The following CNPY3 variants were observed in gnomAD, a reference collection of about 807,000 sequenced individuals.
CNPY3 encodes the protein protein canopy homolog 3.
CNPY3 carries 20 observed loss-of-function variants against 32.0 expected under a neutral mutation model. That is an observed-to-expected ratio of 0.63 (90% confidence interval 0.44 to 0.91). CNPY3 has a LOEUF of 0.91. Among genes scored for constraint, CNPY3 ranks in the 40% least tolerant of loss-of-function variants. The pLI, the probability that CNPY3 is intolerant of heterozygous loss-of-function variation, is 0.00. For synonymous variants in CNPY3, 138 were observed against 142.9 expected (o/e 0.97, Z 0.24); for missense variants, 299 against 340.8 (o/e 0.88, Z 0.97).
In CNPY3 at chr6:42,938,167, A is replaced by G; in HGVS notation, c.573A>G (p.Glu191=). 6.2e-7 allele frequency: 1 copy of G among 1,614,080 alleles called. No homozygotes were observed. The highest frequency in any genetic ancestry group is 1.1e-5 in the South Asian group (1 of 91,074). ...YRNHQEEDLT[E]FLCANHVLKG... ...ACCACCAGGAGGAAGACCTGACTGA[A>G]TTCCTCTGCGCCAACCACGTGCTGA... The change falls in exon 5 of 6, where the codon GAA becomes GAG. Residue 191 remains glutamate (E), a synonymous_variant. Coordinates refer to ENST00000372836, the MANE Select transcript of CNPY3 (RefSeq NM_006586.5).
chr6:42,931,613 A>G (rs1381959324), intron 1 of CNPY3, among the ~76,000 whole-genome samples: 1 of 151,236 alleles, frequency 6.6e-6, no homozygotes, highest in Non-Finnish European at 1.5e-5. Context: ...CACCCACCTT[A>G]GCCTCCCAAA....
At position 42,939,196 on chromosome 6, in the gene CNPY3, C is replaced by T; in HGVS notation, c.*405C>T. 9.9e-7 allele frequency: 1 copy of T among 1,007,502 alleles called. No homozygotes were observed. Among genetic ancestry groups the T allele is most frequent in the Admixed American group, 5.7e-5 (1 of 17,480 alleles). The allele number at this position is 1,007,502 out of a possible 1,614,324, so 62.4% of individuals were successfully genotyped here. ...CTGTAGCTCCTCTCTGCTTACCCCT[C>T]CTGTGGACACCTTGCACTCTGCCTG... is the stretch of plus-strand genomic sequence containing the variant. On this transcript the variant is annotated 3_prime_UTR_variant, in exon 6 of 6. Transcript: ENST00000372836.
At chr6:42,929,816 G>C in intron 1 of CNPY3, 95 bp downstream of exon 1, 1 of 1,376,132 alleles carries the variant, frequency 7.3e-7, no homozygotes. Flanking sequence ...AAGGTTCCGA[G>C]CTCTGCAGGG....
Position 42,929,595 on chromosome 6 carries a change from TC to T in CNPY3, c.28del (p.Arg10AlafsTer50). 6.4e-7 allele frequency: 1 copy of T among 1,573,464 alleles called. No homozygotes were observed. Among genetic ancestry groups the T allele is most frequent in the Non-Finnish European group, 8.6e-7 (1 of 1,160,220 alleles). ...CATGGATTCAATGCCTGAGCCCGCG[TC>T]CCGCTGTCTTCTGCTTCTTCCCTTG... is the stretch of plus-strand genomic sequence containing the variant. MDSMPEPA[S>X]RCLLLLPLLL... On this transcript the variant is annotated frameshift_variant, in exon 1 of 6. Transcript: ENST00000372836. LOFTEE classifies it high-confidence loss of function.
Position 42,929,638 on chromosome 6 carries a change from T to G in CNPY3, c.68T>G (p.Leu23Arg). Residue 23 changes from leucine to arginine, a missense_variant, in exon 1 of 6, where the codon CTG becomes CGG. Coordinates refer to ENST00000372836, the MANE Select transcript of CNPY3 (RefSeq NM_006586.5). ...LLLPLLLLLL[L>R]LLPAPELGPS... ...CTTCCCTTGCTGCTGCTGCTGCTGC[T>G]GCTGCTGCCGGCCCCGGAGCTGGGC... The G allele has an allele frequency of 6.4e-7, 1 of 1,555,946 alleles. No individual in the cohort carries two copies. Among genetic ancestry groups the G allele is most frequent in the Non-Finnish European group, 8.7e-7 (1 of 1,150,890 alleles).
At chr6:42,937,691 C>T in intron 3 of CNPY3, 26 bp from the exon 4 acceptor site, 2 of 1,613,064 alleles carry the variant, frequency 1.2e-6, no homozygotes, top group Non-Finnish European at 1.7e-6. Context: ...GGAGCTCCGC[C>T]TGCCATATCT....
intron 3 of CNPY3, among the ~76,000 whole-genome samples, chr6:42,936,787 T>C (rs760033673): frequency 6.6e-6 from 1 of 152,104 alleles, no homozygotes; most frequent in Non-Finnish European, 1.5e-5. Context: ...CAGCCCACCT[T>C]GGCCTCTCAA....
chr6:42,937,150 A>G (rs1186714213), intron 3 of CNPY3, among the ~76,000 whole-genome samples: 4 of 152,142 alleles, frequency 2.6e-5, no homozygotes, highest in African/African-American at 9.7e-5. Context: ...GAGGGGAAAG[A>G]GCTAAGACAA....
intron 2 of CNPY3, 130 bp downstream of exon 2, chr6:42,934,728 C>A: frequency 8.0e-7 from 1 of 1,253,118 alleles, no homozygotes; most frequent in South Asian, 1.4e-5. Context: ...TGAGTTTGCC[C>A]ACTGATTCTG....
chr6:42,935,150 G>A (rs1228097613), intron 2 of CNPY3, among the ~76,000 whole-genome samples: 1 of 152,122 alleles, frequency 6.6e-6, no homozygotes, highest in East Asian at 1.9e-4. Context: ...TTACAGGTGT[G>A]AGCCACCACA....
intron 1 of CNPY3, among the ~76,000 whole-genome samples, chr6:42,933,132 C>T (rs2114162520): frequency 3.3e-5 from 5 of 152,264 alleles, no homozygotes; most frequent in Admixed American, 3.3e-4. Flanking sequence ...AAATCTAGAG[C>T]AATTGGCATT....
intron 3 of CNPY3, among the ~76,000 whole-genome samples, 180 bp downstream of exon 3, chr6:42,935,850 A>G (rs1329569166): frequency 6.6e-6 from 1 of 152,118 alleles, no homozygotes; most frequent in Admixed American, 6.6e-5. Flanking sequence ...TTTCAGGCAC[A>G]TGCATGAGGG....
chr6:42,937,703 G>T lies in CNPY3; in HGVS notation c.373-14G>T. 2 of 1,613,838 alleles carry T rather than the reference G, an allele frequency of 1.2e-6. No homozygotes were observed. The highest frequency in any genetic ancestry group is 1.7e-6 in the Non-Finnish European group (2 of 1,179,900). On this transcript the variant is annotated splice_polypyrimidine_tract_variant and intron_variant, in intron 3 of 5. Transcript: ENST00000372836. ...AAGGGAGCTCCGCCTGCCATATCTG[G>T]TCGCTTCTTCCAGGGCATGTCAGAG...
chr6:42,932,457 C>T (rs900739573), intron 1 of CNPY3, among the ~76,000 whole-genome samples: 4 of 152,008 alleles, frequency 2.6e-5, no homozygotes, highest in Admixed American at 6.5e-5. Context: ...GTGTCTGTGC[C>T]GTGAATCTCC....
At position 42,939,113 on chromosome 6, in the gene CNPY3, G is replaced by A. The variant is rs14499; in HGVS notation, c.*322G>A. ...GGGCACCAGGACTGGAGCCCCCTCC[G>A]GAGACCAAACTCACCATCCCTCAGT... On this transcript the variant is annotated 3_prime_UTR_variant, in exon 6 of 6. Transcript: ENST00000372836. 8 of 1,130,580 alleles carry A rather than the reference G, an allele frequency of 7.1e-6. No homozygotes were observed. Among genetic ancestry groups the A allele is most frequent in the African/African-American group, 4.8e-5 (3 of 62,040 alleles). 70.0% of individuals were successfully genotyped at this position (1,130,580 alleles called of 1,614,324 possible).
At chr6:42,930,873 C>T (rs562171223) in intron 1 of CNPY3, among the ~76,000 whole-genome samples, 1 of 152,034 alleles carries the variant, frequency 6.6e-6, no homozygotes, top group South Asian at 2.1e-4. Context: ...TGCCTTCCCC[C>T]GTACATTCTT....
At chr6:42,931,303 C>T (rs1173731737) in intron 1 of CNPY3, among the ~76,000 whole-genome samples, 6 of 151,316 alleles carry the variant, frequency 4.0e-5, no homozygotes, top group South Asian at 2.1e-4. Context: ...CTTGGCTCAC[C>T]GCAACCTCCA....
chr6:42,929,739 G>T lies in CNPY3; in HGVS notation c.151+18G>T, dbSNP rs2096079779. 2 of 1,539,180 alleles carry T rather than the reference G, an allele frequency of 1.3e-6. No individual in the cohort carries two copies. Among genetic ancestry groups the T allele is most frequent in the African/African-American group, 2.7e-5 (2 of 72,804 alleles). ...ATGCGAAGGTGAGGAGGCGGGGCCC[G>T]TGGGGCGTATCCTGCCGGAGGGGCT... On this transcript the variant is annotated intron_variant, in intron 1 of 5. Coordinates refer to ENST00000372836, the MANE Select transcript of CNPY3 (RefSeq NM_006586.5).
At chr6:42,928,843 C>G (rs767845408), upstream of CNPY3, among the ~76,000 whole-genome samples, 5 of 152,182 alleles carry the variant, frequency 3.3e-5, no homozygotes, top group Non-Finnish European at 7.3e-5. Context: ...CAACAACAGG[C>G]AAGCTCCCAC....
Sources: allele counts gnomAD v4.1 joint callset (sites outside exome capture counted in the v4.1 genomes callset), GRCh38; gene constraint gnomAD v4.1.1; transcripts MANE v1.5; gene names NCBI Gene and HGNC (gene_info 2026-07-23, HGNC 2026-07-21).